PLCL2: variants seen among roughly 807,000 people sequenced by gnomAD.
The protein encoded by PLCL2 is inactive phospholipase C-like protein 2.
A neutral mutation model predicts 79.6 loss-of-function variants in PLCL2; 4 were observed. The observed-to-expected ratio is 0.05, with a 90% CI of 0.02 to 0.11. The LOEUF is 0.11. Ranked by LOEUF, PLCL2 falls within the 10% of genes least tolerant of loss-of-function variation. The pLI is 1.00. For synonymous variants in PLCL2, 484 were observed against 457.7 expected, an observed-to-expected ratio of 1.06 and a Z score of -0.73; for missense variants, 895 against 1,291.0, an observed-to-expected ratio of 0.69 and a Z score of 4.70.
At chr3:17,068,582 A>G (rs1446888460) in intron 5 of PLCL2, among the ~76,000 whole-genome samples, 1 of 152,228 alleles carries the variant, frequency 6.6e-6, no homozygotes, top group East Asian at 1.9e-4. Flanking sequence ...GCTATCTGCT[A>G]TCTCTATGCA....
At chr3:16,951,098 T>C (rs1244187023) in intron 1 of PLCL2, among the ~76,000 whole-genome samples, 1 of 152,186 alleles carries the variant, frequency 6.6e-6, no homozygotes, top group Non-Finnish European at 1.5e-5. Flanking sequence ...TGTGCTAGAC[T>C]CAAAATAAAC....
chr3:16,964,147 T>A (rs891372497), intron 1 of PLCL2, among the ~76,000 whole-genome samples: 10 of 151,826 alleles, frequency 6.6e-5, no homozygotes, highest in Admixed American at 1.3e-4. Flanking sequence ...ACATTAGGTA[T>A]ATCTCCTAAT....
At chr3:16,957,191 C>T (rs1038398354) in intron 1 of PLCL2, among the ~76,000 whole-genome samples, 2 of 152,016 alleles carry the variant, frequency 1.3e-5, no homozygotes, top group African/African-American at 4.8e-5. Flanking sequence ...CCTCTACACA[C>T]TGCTTTGAAT....
chr3:17,025,231 T>C (rs1409115149), intron 3 of PLCL2, among the ~76,000 whole-genome samples: 1 of 152,230 alleles, frequency 6.6e-6, no homozygotes, highest in African/African-American at 2.4e-5. Context: ...CTTGATATCC[T>C]TCCTTGGCTC....
Position 16,976,977 on chromosome 3 carries a change from G to C in PLCL2, c.328-32697G>C, listed in dbSNP as rs760643317. ...CACCTTAAGGATAGAATCCACATCT[G>C]TTCATTTTGGTAGTCCATGTTGTCT... On this transcript the variant is annotated intron_variant, in intron 1 of 5. Transcript: ENST00000615277. Among the ~76,000 whole-genome samples, 9 of 152,194 alleles carry C rather than the reference G, an allele frequency of 5.9e-5. No individual in the cohort carries two copies. The East Asian group carries it at 1.3e-3, about 23-fold the overall frequency.
intron 4 of PLCL2, among the ~76,000 whole-genome samples, chr3:17,043,503 G>A (rs1388686659): frequency 6.6e-6 from 1 of 151,882 alleles, no homozygotes; most frequent in Non-Finnish European, 1.5e-5. Context: ...TTTAGCTGTG[G>A]TAAAACCAAA....
intron 1 of PLCL2, among the ~76,000 whole-genome samples, chr3:16,902,226 A>C (rs1029448160): frequency 1.3e-5 from 2 of 152,198 alleles, no homozygotes; most frequent in South Asian, 4.1e-4. Context: ...CTTTATGGCC[A>C]TTGAATCGGA....
At chr3:17,036,428 C>G (rs1454181966) in intron 3 of PLCL2, among the ~76,000 whole-genome samples, 1 of 152,172 alleles carries the variant, frequency 6.6e-6, no homozygotes, top group African/African-American at 2.4e-5. Flanking sequence ...AAAGGAAAAA[C>G]TTACCTCTGG....
chr3:17,061,088 T>C (rs2064948032), intron 4 of PLCL2, among the ~76,000 whole-genome samples: 1 of 152,226 alleles, frequency 6.6e-6, no homozygotes, highest in South Asian at 2.1e-4. Context: ...TTTAGCCATG[T>C]GCTACATGCT....
intron 1 of PLCL2, among the ~76,000 whole-genome samples, chr3:16,885,648 G>A (rs1011367986): frequency 3.9e-5 from 6 of 152,366 alleles, no homozygotes; most frequent in Admixed American, 6.5e-5. Context: ...TGTACCTGCC[G>A]GGGTAGGGCA....
chr3:16,958,563 T>A (rs970094644), intron 1 of PLCL2, among the ~76,000 whole-genome samples: 34 of 152,194 alleles, frequency 2.2e-4, no homozygotes, highest in African/African-American at 8.2e-4. Flanking sequence ...GAGTGACATT[T>A]TGGATGATGA....
At chr3:16,980,277 C>G (rs924293347) in intron 1 of PLCL2, among the ~76,000 whole-genome samples, 3 of 139,294 alleles carry the variant, frequency 2.2e-5, no homozygotes, top group African/African-American at 8.0e-5. Context: ...GGGGGCTGAC[C>G]CCCCCCACCT....
At chr3:16,912,514 T>A (rs1050506208) in intron 1 of PLCL2, among the ~76,000 whole-genome samples, 1 of 152,190 alleles carries the variant, frequency 6.6e-6, no homozygotes, top group African/African-American at 2.4e-5. Context: ...AAGATTTGAG[T>A]TTGTTTCTGC....
chr3:16,951,015 A>G (rs1050681611), intron 1 of PLCL2, among the ~76,000 whole-genome samples: 1 of 152,146 alleles, frequency 6.6e-6, no homozygotes, highest in Non-Finnish European at 1.5e-5. Flanking sequence ...ACCAGACAAT[A>G]CACATGACAG....
chr3:17,056,204 G>T (rs978592163), intron 4 of PLCL2, among the ~76,000 whole-genome samples: 2 of 152,074 alleles, frequency 1.3e-5, no homozygotes, highest in African/African-American at 4.8e-5. Flanking sequence ...AAACCATTTG[G>T]TTATGAGAAT....
intron 2 of PLCL2, among the ~76,000 whole-genome samples, chr3:17,012,808 G>C (rs1015132846): frequency 6.6e-5 from 10 of 152,176 alleles, no homozygotes; most frequent in Non-Finnish European, 1.5e-4. Context: ...CCATACGCTA[G>C]GACCCCTGAG....
At chr3:16,987,503 C>T (rs1238963490) in intron 1 of PLCL2, among the ~76,000 whole-genome samples, 1 of 152,124 alleles carries the variant, frequency 6.6e-6, no homozygotes, top group African/African-American at 2.4e-5. Flanking sequence ...ATCATCTTTA[C>T]AACATTGTTG....
intron 1 of PLCL2, among the ~76,000 whole-genome samples, chr3:16,958,197 G>C (rs2124966340): frequency 6.6e-6 from 1 of 152,078 alleles, no homozygotes; most frequent in Non-Finnish European, 1.5e-5. Flanking sequence ...TACATTTTTT[G>C]AGCAGTACTG....
intron 5 of PLCL2, among the ~76,000 whole-genome samples, chr3:17,082,592 A>G (rs1444904181): frequency 6.6e-6 from 1 of 152,148 alleles, no homozygotes; most frequent in Non-Finnish European, 1.5e-5. Context: ...CGCCTTGGTA[A>G]TGTCCAAAGG....
Sources: allele counts gnomAD v4.1 joint callset (sites outside exome capture counted in the v4.1 genomes callset), GRCh38; gene constraint gnomAD v4.1.1; transcripts MANE v1.5; gene names NCBI Gene and HGNC (gene_info 2026-07-23, HGNC 2026-07-21).